The following SND1 variants were observed in gnomAD, a reference collection of about 807,000 sequenced individuals.
SND1 encodes staphylococcal nuclease domain-containing protein 1.
A neutral mutation model predicts 121.7 loss-of-function variants in SND1; 38 were observed. That is an observed-to-expected ratio of 0.31 (90% CI 0.24 to 0.41). The LOEUF is 0.41. SND1 is among the 10% of genes least tolerant of loss of function. The pLI is 1.00. For synonymous variants in SND1, 401 were observed against 447.4 expected (o/e 0.90, Z 1.31); for missense variants, 868 against 1,184.6 (o/e 0.73, Z 3.92).
intron 10 of SND1, among the ~76,000 whole-genome samples, chr7:127,735,577 A>T (rs564327779): frequency 2.8e-4 from 42 of 152,010 alleles, no homozygotes; most frequent in African/African-American, 8.0e-4. Flanking sequence ...CCTTTAATTT[A>T]AAAAAAAGAG....
chr7:127,896,734 C>T (rs192598022), intron 13 of SND1, among the ~76,000 whole-genome samples: 3 of 152,202 alleles, frequency 2.0e-5, no homozygotes, highest in Non-Finnish European at 2.9e-5. Context: ...TTCCCCTTGA[C>T]TCCTGTCTCT....
intron 10 of SND1, among the ~76,000 whole-genome samples, chr7:127,749,567 A>G (rs1053005698): frequency 6.6e-6 from 1 of 152,230 alleles, no homozygotes; most frequent in Non-Finnish European, 1.5e-5. Context: ...AGGAAAAGAT[A>G]CAAGAACGTT....
At chr7:128,030,534 G>C (rs780684633) in intron 16 of SND1, 4 of 1,613,306 alleles carry the variant, frequency 2.5e-6, no homozygotes, top group South Asian at 2.2e-5. Flanking sequence ...GGCGGCAGCA[G>C]CGATGGCTGC....
chr7:128,024,307 C>G lies in SND1; in HGVS notation c.1779+33251C>G, dbSNP rs9656367. Among the ~76,000 whole-genome samples the G allele has an allele frequency of 1.4e-3, 218 of 152,240 alleles. 2 individuals carry two copies. The highest frequency in any genetic ancestry group is 5.0e-3 in the African/African-American group (209 of 41,538). On this transcript the variant is annotated intron_variant, in intron 16 of 23. Coordinates refer to ENST00000354725, the MANE Select transcript of SND1 (RefSeq NM_014390.4). ...AGGCAGGATTTAGAAATGGCGTGAA[C>G]AGTGCCTGCATTAGCCGATGGCATG...
At chr7:127,752,800 T>C (rs1797123025) in intron 10 of SND1, among the ~76,000 whole-genome samples, 1 of 152,226 alleles carries the variant, frequency 6.6e-6, no homozygotes, top group Non-Finnish European at 1.5e-5. Context: ...CTCCAAATAT[T>C]GTTCTTTTGA....
chr7:127,849,217 T>G (rs767535673), intron 12 of SND1, among the ~76,000 whole-genome samples: 2 of 152,232 alleles, frequency 1.3e-5, no homozygotes, highest in Non-Finnish European at 2.9e-5. Context: ...ATAACTCTTC[T>G]TATGATTTAG....
chr7:127,738,741 G>A (rs1587631390), intron 10 of SND1, among the ~76,000 whole-genome samples: 2 of 152,150 alleles, frequency 1.3e-5, no homozygotes, highest in East Asian at 1.9e-4. Context: ...AGATAAACAG[G>A]CTCCAGGGAA....
At chr7:127,762,538 C>T (rs781109735) in intron 10 of SND1, among the ~76,000 whole-genome samples, 5 of 152,216 alleles carry the variant, frequency 3.3e-5, no homozygotes, top group Non-Finnish European at 7.3e-5. Flanking sequence ...CAAATACAGT[C>T]ACATTCTCAG....
At chr7:128,007,382 G>C (rs1445671423) in intron 16 of SND1, among the ~76,000 whole-genome samples, 1 of 152,200 alleles carries the variant, frequency 6.6e-6, no homozygotes, top group Non-Finnish European at 1.5e-5. Context: ...AATACAAAGG[G>C]TTCAAGGCTT....
At chr7:127,722,790 G>T (rs2116391293) in intron 10 of SND1, among the ~76,000 whole-genome samples, 1 of 152,222 alleles carries the variant, frequency 6.6e-6, no homozygotes, top group South Asian at 2.1e-4. Flanking sequence ...TGAATGTCTG[G>T]CCAATCAGTT....
chr7:127,890,443 A>C (rs1799988999), intron 13 of SND1, among the ~76,000 whole-genome samples: 1 of 152,084 alleles, frequency 6.6e-6, no homozygotes, highest in African/African-American at 2.4e-5. Context: ...TATCCATGGG[A>C]TTTGGGGGGT....
chr7:127,715,212 C>T (rs1796366301), intron 9 of SND1, among the ~76,000 whole-genome samples: 2 of 150,870 alleles, frequency 1.3e-5, no homozygotes, highest in Admixed American at 1.3e-4. Context: ...GGTGATGTCT[C>T]ATTGTGGTTT....
chr7:127,972,513 T>C (rs1270011343), intron 15 of SND1, among the ~76,000 whole-genome samples: 1 of 152,182 alleles, frequency 6.6e-6, no homozygotes, highest in East Asian at 1.9e-4. Flanking sequence ...TGTCTTGGCC[T>C]CATGAAGTGC....
intron 1 of SND1, among the ~76,000 whole-genome samples, chr7:127,678,870 A>G (rs1009975760): frequency 5.3e-5 from 8 of 152,310 alleles, no homozygotes; most frequent in Non-Finnish European, 1.2e-4. Context: ...AAGGGTATCC[A>G]TTAGGACCAA....
chr7:127,796,059 A>T (rs561022453), intron 10 of SND1, among the ~76,000 whole-genome samples: 19 of 151,864 alleles, frequency 1.3e-4, no homozygotes, highest in East Asian at 5.8e-4. Context: ...GGGTTTCACC[A>T]TGTTAGCCAG....
intron 10 of SND1, among the ~76,000 whole-genome samples, chr7:127,732,043 C>T (rs1021157234): frequency 1.3e-5 from 2 of 152,204 alleles, no homozygotes; most frequent in Admixed American, 6.5e-5. Context: ...TGTGGGAACA[C>T]GCTGTCTCTT....
At chr7:128,058,450 T>G (rs1267711570) in intron 16 of SND1, among the ~76,000 whole-genome samples, 1 of 152,230 alleles carries the variant, frequency 6.6e-6, no homozygotes, top group Non-Finnish European at 1.5e-5. Flanking sequence ...GAGGCTAAAT[T>G]TGAACTCAGA....
chr7:127,906,136 A>G (rs533398420), intron 14 of SND1, among the ~76,000 whole-genome samples: 65 of 152,272 alleles, frequency 4.3e-4, no homozygotes, highest in Non-Finnish European at 7.6e-4. Context: ...AGGTTAAACA[A>G]TGTTACCTAC....
intron 13 of SND1, among the ~76,000 whole-genome samples, chr7:127,892,288 T>C (rs3757772): frequency 0.073 from 11,097 of 152,116 alleles, 910 homozygotes; most frequent in African/African-American, 0.2. Context: ...TATCATTTCA[T>C]GGGCGCTCAG....
Sources: gnomAD v4.1 joint callset for allele counts (sites outside exome capture counted in the v4.1 genomes callset) on GRCh38, gnomAD v4.1.1 for gene constraint, MANE v1.5 for transcripts, NCBI Gene and HGNC (gene_info 2026-07-23, HGNC 2026-07-21) for gene names.